Variants in C7orf78 observed in about 807,000 individuals in gnomAD.
The protein encoded by C7orf78 is putative uncharacterized protein C7orf78.
chr7:12,511,123 C>A, the C7orf78 span, among the ~76,000 whole-genome samples: 1 of 151,642 alleles, frequency 6.6e-6, no homozygotes, highest in Non-Finnish European at 1.5e-5. Flanking sequence ...AGTTTTCCAA[C>A]TATGTATTGA....
chr7:12,518,308 C>G, the C7orf78 span, among the ~76,000 whole-genome samples: 2 of 152,124 alleles, frequency 1.3e-5, no homozygotes, highest in Admixed American at 6.6e-5. Context: ...TATGCTGGCA[C>G]TGGTGTTAGT....
the C7orf78 span, among the ~76,000 whole-genome samples, chr7:12,494,054 G>T: frequency 6.6e-6 from 1 of 152,164 alleles, no homozygotes; most frequent in South Asian, 2.1e-4. Context: ...GAGCATTTTG[G>T]AATGCTGTAA....
At chr7:12,516,133 G>A in the C7orf78 span, among the ~76,000 whole-genome samples, 1 of 151,906 alleles carries the variant, frequency 6.6e-6, no homozygotes, top group East Asian at 1.9e-4. Context: ...AGACCTAAGA[G>A]AAAATGGTTT....
chr7:12,517,779 C>T, the C7orf78 span, among the ~76,000 whole-genome samples: 1 of 152,022 alleles, frequency 6.6e-6, no homozygotes, highest in Non-Finnish European at 1.5e-5. Context: ...CATTCATATC[C>T]TGAATTATTT....
the C7orf78 span, among the ~76,000 whole-genome samples, chr7:12,516,347 T>G: frequency 2.0e-5 from 3 of 152,208 alleles, no homozygotes; most frequent in Non-Finnish European, 2.9e-5. Flanking sequence ...TTTGGGAACC[T>G]CCACCTAGAT....
At chr7:12,496,484 G>C in the C7orf78 span, 1 of 148,830 alleles carries the variant, frequency 6.7e-6, no homozygotes. Flanking sequence ...GTACTCTACT[G>C]TCATCAAGGG....
chr7:12,490,163 A>G, the C7orf78 span, among the ~76,000 whole-genome samples: 1 of 152,150 alleles, frequency 6.6e-6, no homozygotes. Flanking sequence ...TAGCACTTTG[A>G]GCACCATATC....
chr7:12,521,107 T>C, the C7orf78 span, among the ~76,000 whole-genome samples: 1 of 152,116 alleles, frequency 6.6e-6, no homozygotes, highest in South Asian at 2.1e-4. Context: ...TATGTGTGTC[T>C]TTACAGGTGA....
chr7:12,504,946 T>G, the C7orf78 span, among the ~76,000 whole-genome samples: 114 of 152,188 alleles, frequency 7.5e-4, no homozygotes, highest in African/African-American at 2.6e-3. Context: ...AAATTTAATG[T>G]TATAAAATTC....
chr7:12,509,716 C>A, the C7orf78 span, among the ~76,000 whole-genome samples: 42 of 152,288 alleles, frequency 2.8e-4, no homozygotes, highest in African/African-American at 9.9e-4. Flanking sequence ...TGAGAACATG[C>A]AGTGTTTGCC....
chr7:12,518,032 G>A, the C7orf78 span, among the ~76,000 whole-genome samples: 1 of 151,952 alleles, frequency 6.6e-6, no homozygotes, highest in Admixed American at 6.6e-5. Context: ...TTGAGTTTAG[G>A]GCTTTTTCCT....
chr7:12,501,335 T>C, the C7orf78 span, among the ~76,000 whole-genome samples: 22 of 146,242 alleles, frequency 1.5e-4, no homozygotes, highest in African/African-American at 4.8e-4. Flanking sequence ...GAAAACCCCA[T>C]TGTCTCAGCC....
the C7orf78 span, chr7:12,523,242 T>A: frequency 2.5e-6 from 1 of 395,462 alleles, no homozygotes; most frequent in Non-Finnish European, 4.4e-6. Context: ...AGGAAAAAAA[T>A]CAGTTTTCCA....
At chr7:12,531,031 G>T in the C7orf78 span, 1 of 398,426 alleles carries the variant, frequency 2.5e-6, no homozygotes, top group Non-Finnish European at 4.4e-6. Context: ...AAGGCAGCGT[G>T]ATGCATACAG....
At chr7:12,539,599 G>C in the C7orf78 span, among the ~76,000 whole-genome samples, 1 of 152,172 alleles carries the variant, frequency 6.6e-6, no homozygotes, top group Non-Finnish European at 1.5e-5. Flanking sequence ...ACTTCTAGCA[G>C]TTTCTTGATG....
the C7orf78 span, chr7:12,483,365 C>T: frequency 6.6e-6 from 1 of 152,104 alleles, no homozygotes; most frequent in African/African-American, 2.4e-5. Flanking sequence ...TCATTTTCTA[C>T]AAAGGTTTTC....
At chr7:12,499,258 C>T in the C7orf78 span, among the ~76,000 whole-genome samples, 2 of 151,856 alleles carry the variant, frequency 1.3e-5, no homozygotes, top group Admixed American at 1.3e-4. Context: ...TGTAAATGGA[C>T]TAAATGCTCC....
chr7:12,505,133 T>C, the C7orf78 span, among the ~76,000 whole-genome samples: 1 of 152,118 alleles, frequency 6.6e-6, no homozygotes, highest in Non-Finnish European at 1.5e-5. Context: ...GTCACTATTA[T>C]GGTGAAGTTT....
chr7:12,503,609 CTT>C, the C7orf78 span, among the ~76,000 whole-genome samples: 1 of 144,580 alleles, frequency 6.9e-6, no homozygotes, highest in South Asian at 2.2e-4. Flanking sequence ...AGTTTTCTTT[CTT>C]TTTTTTTTTA....
Sources: gnomAD v4.1 joint callset for allele counts (sites outside exome capture counted in the v4.1 genomes callset) on GRCh38, gnomAD v4.1.1 for gene constraint, MANE v1.5 for transcripts, NCBI Gene and HGNC (gene_info 2026-07-23, HGNC 2026-07-21) for gene names.